The following DCN variants were observed in gnomAD, a reference collection of about 807,000 sequenced individuals.
DCN encodes decorin.
In DCN, 17 loss-of-function variants were observed where a neutral mutation model predicts 36.5. The observed-to-expected ratio is 0.47, with a 90% CI of 0.32 to 0.70. The LOEUF is 0.70. DCN is among the 30% of genes least tolerant of loss of function. The probability of loss-of-function intolerance (pLI) is 0.04; values close to 1 mark genes in which losing one functional copy is unlikely to be tolerated. For synonymous variants in DCN, 163 were observed against 161.4 expected (o/e 1.01, Z -0.07); for missense variants, 389 against 430.1 (o/e 0.90, Z 0.84).
Position 91,178,555 on chromosome 12 carries a change from T to C in DCN, c.-3A>G, listed in dbSNP as rs1883442979. On this transcript the variant is annotated 5_prime_UTR_variant, in exon 2 of 8. Transcript: ENST00000052754. ...AGGAGGATGATAGTGGCCTTCATGA[T>C]TTATCTCATGTATTTTCACAACCAG... is the stretch of plus-strand genomic sequence containing the variant. 3 of 1,613,232 alleles carry C rather than the reference T, an allele frequency of 1.9e-6. No individual in the cohort carries two copies. The East Asian group carries it at 6.7e-5, about 36-fold the overall frequency.
intron 6 of DCN, among the ~76,000 whole-genome samples, chr12:91,152,239 C>T (rs192290323): frequency 1.3e-5 from 2 of 151,946 alleles, no homozygotes; most frequent in Admixed American, 1.3e-4. Flanking sequence ...GGATCAAAAA[C>T]CACTTTTCCC....
chr12:91,172,712 T>C, intron 2 of DCN: 2 of 692,400 alleles, frequency 2.9e-6, no homozygotes, highest in South Asian at 1.5e-5. Flanking sequence ...AAGAATATTG[T>C]AGAATATTCA....
In DCN at chr12:91,142,656, G is replaced by A. The variant is rs1880788915; in HGVS notation, c.*3402C>T. The A allele has an allele frequency of 1.3e-5, 2 of 152,118 alleles. No individual in the cohort carries two copies. Among genetic ancestry groups the A allele is most frequent in the African/African-American group, 2.4e-5 (1 of 41,412 alleles). The allele number at this position is 152,118 out of a possible 1,614,324, so 9.4% of individuals were successfully genotyped here. On this transcript the variant is annotated 3_prime_UTR_variant, in exon 8 of 8. Transcript: ENST00000052754. ...TAAAAGATCATGAATACTGTGTTCTGGAAAATCTGTGTCACTTGAATAAAC... is the reference window on the plus strand; with the variant it reads ...TAAAAGATCATGAATACTGTGTTCTAGAAAATCTGTGTCACTTGAATAAAC...
Position 91,155,585 on chromosome 12 carries a change from T to G in DCN, c.652+1490A>C, listed in dbSNP as rs145472517. The stretch of plus-strand genomic sequence containing the variant: ...GCTAAATGTAAGTCATCTGGCTGCA[T>G]GAAATAAATTTCAGCAAGAATTTTA... On this transcript the variant is annotated intron_variant, in intron 5 of 7. Coordinates refer to ENST00000052754, the MANE Select transcript of DCN (RefSeq NM_001920.5). Among the ~76,000 whole-genome samples, 1,300 of 152,188 alleles carry G rather than the reference T, an allele frequency of 8.5e-3. 10 individuals carry two copies. Among genetic ancestry groups the G allele is most frequent in the African/African-American group, 0.028 (1,175 of 41,504 alleles).
In DCN at chr12:91,146,105, T is replaced by C. The variant is rs1880992855; in HGVS notation, c.1033A>G (p.Arg345Gly). 1.9e-6 allele frequency: 3 copies of C among 1,614,004 alleles called. No homozygotes were observed. The highest frequency in any genetic ancestry group is 2.5e-6 in the Non-Finnish European group (3 of 1,179,948). The change falls in exon 8 of 8, where the codon AGA becomes GGA. Residue 345 changes from arginine (R) to glycine (G), a missense_variant. By Grantham distance (125) the Arg-to-Gly change is moderately radical (BLOSUM62 -2). Transcript: ENST00000052754. ...QYWEIQPSTF[R>G]CVYVRSAIQL... ...ATGGCAGAGCGCACGTAGACACATC[T>C]GAAGGTGGATGGCTGTATCTCCCAG...
At chr12:91,164,778 A>G (rs975252932) in intron 2 of DCN, 61 bp from the exon 3 acceptor site, 2 of 831,406 alleles carry the variant, frequency 2.4e-6, no homozygotes, top group Non-Finnish European at 4.3e-6. Context: ...ACAGAATCAC[A>G]CAGCATATAT....
Position 91,172,874 on chromosome 12 carries a change from G to GA in DCN, c.211+5467dup, listed in dbSNP as rs748964390. ...ATTATTGCAATACTTCTTTTCTAGT[G>GA]AAAAAAAATAAAATAGATATATAAA... On this transcript the variant is annotated intron_variant, in intron 2 of 7. Coordinates refer to ENST00000052754, the MANE Select transcript of DCN (RefSeq NM_001920.5). 2.8e-4 allele frequency: 167 copies of GA among 605,390 alleles called. 1 individual carries two copies. The East Asian group carries it at 3.0e-3, about 11-fold the overall frequency. 37.5% of individuals were successfully genotyped at this position (605,390 alleles called of 1,614,324 possible).
rs1447465631 is a variant in DCN at position 91,140,547 on chromosome 12, A to G, written c.*5511T>C. On this transcript the variant is annotated 3_prime_UTR_variant, in exon 8 of 8. Transcript: ENST00000052754. ...AACCACAGAACATTGCAAAAGGCCA[A>G]ATTGGCCCTGTAAAATGTGTTGCTA... The G allele has an allele frequency of 6.6e-6, 1 of 152,184 alleles. No individual in the cohort carries two copies. The highest frequency in any genetic ancestry group is 1.5e-5 in the Non-Finnish European group (1 of 68,030). 9.4% of individuals were successfully genotyped at this position (152,184 alleles called of 1,614,324 possible). A position where few individuals can be genotyped will look rare whatever the true frequency, so the allele number is the denominator to read the frequency against.
chr12:91,155,987 C>T (rs935516133), intron 5 of DCN, among the ~76,000 whole-genome samples: 13 of 151,958 alleles, frequency 8.6e-5, no homozygotes, highest in African/African-American at 2.2e-4. Context: ...ACATTTTGTA[C>T]GCACTCAAGA....
rs1880739012 is a variant in DCN, at chr12:91,141,008, G to A, written c.*5050C>T. The A allele has an allele frequency of 6.6e-6, 1 of 152,092 alleles. No homozygotes were observed. The highest frequency in any genetic ancestry group is 1.5e-5 in the Non-Finnish European group (1 of 68,076). 9.4% of individuals were successfully genotyped at this position (152,092 alleles called of 1,614,324 possible). A position where few individuals can be genotyped will look rare whatever the true frequency, so the allele number is the denominator to read the frequency against. On this transcript the variant is annotated 3_prime_UTR_variant, in exon 8 of 8. Transcript: ENST00000052754. ...TCAACAATTTTTCTACTATTATCCA[G>A]GTCAAAGTCTTCATCATCTCTCACC...
At chr12:91,164,569 T>A (rs1882412428) in intron 3 of DCN, 36 bp downstream of exon 3, 1 of 1,173,796 alleles carries the variant, frequency 8.5e-7, no homozygotes, top group Non-Finnish European at 1.3e-6. Flanking sequence ...ACCTTGAGTC[T>A]TATCTTATTG....
At chr12:91,178,169 A>G (rs932446580) in intron 2 of DCN, among the ~76,000 whole-genome samples, 173 bp downstream of exon 2, 1 of 152,140 alleles carries the variant, frequency 6.6e-6, no homozygotes, top group African/African-American at 2.4e-5. Context: ...AGAGAAAGAG[A>G]GAACAACAAC....
intron 3 of DCN, among the ~76,000 whole-genome samples, chr12:91,162,312 A>G (rs1355494737): frequency 6.6e-6 from 1 of 152,194 alleles, no homozygotes; most frequent in Admixed American, 6.5e-5. Context: ...CTTTAAAAAA[A>G]TCTGGTATAT....
chr12:91,148,648 G>A (rs1200777577), intron 7 of DCN, among the ~76,000 whole-genome samples: 4 of 147,778 alleles, frequency 2.7e-5, no homozygotes, highest in Non-Finnish European at 4.5e-5. Context: ...CCCGAGAGGC[G>A]GAGGTTGCAG....
chr12:91,170,999 T>C (rs1238448715), intron 2 of DCN, among the ~76,000 whole-genome samples: 6 of 152,200 alleles, frequency 3.9e-5, no homozygotes. Context: ...AACTAAATAA[T>C]TCCTATTGAT....
chr12:91,169,597 T>C (rs1034623602), intron 2 of DCN: 26 of 152,036 alleles, frequency 1.7e-4, no homozygotes, highest in African/African-American at 6.0e-4. Flanking sequence ...TGGGTGGAGA[T>C]AGAAAAATAA....
chr12:91,148,419 T>A (rs1881177056), intron 7 of DCN, among the ~76,000 whole-genome samples: 1 of 151,766 alleles, frequency 6.6e-6, no homozygotes, highest in African/African-American at 2.4e-5. Flanking sequence ...AGTACTCCCT[T>A]AAAACATAAC....
At chr12:91,174,765 C>A (rs1883188175) in intron 2 of DCN, among the ~76,000 whole-genome samples, 1 of 152,082 alleles carries the variant, frequency 6.6e-6, no homozygotes, top group Non-Finnish European at 1.5e-5. Flanking sequence ...TTTTAAGAGG[C>A]ATTTTAACTC....
At chr12:91,152,184 T>C (rs1316640025) in intron 6 of DCN, among the ~76,000 whole-genome samples, 3 of 152,178 alleles carry the variant, frequency 2.0e-5, no homozygotes, top group Admixed American at 2.0e-4. Context: ...TGAAAACTTA[T>C]GTGCATGATA....
Sources: allele counts gnomAD v4.1 joint callset (sites outside exome capture counted in the v4.1 genomes callset), GRCh38; gene constraint gnomAD v4.1.1; transcripts MANE v1.5; gene names NCBI Gene and HGNC (gene_info 2026-07-23, HGNC 2026-07-21).